Variants in CNTN5 observed in about 807,000 individuals in gnomAD.
CNTN5 encodes contactin 5, also known as contactin-5.
Under a neutral mutation model 129.1 loss-of-function variants are expected in CNTN5, and 77 were observed. That is an observed-to-expected ratio of 0.60 (90% CI 0.50 to 0.72). CNTN5 has a LOEUF of 0.72. CNTN5 is among the 30% of genes least tolerant of loss of function. The pLI is 0.00. For synonymous variants in CNTN5, 509 were observed against 465.6 expected (o/e 1.09, Z -1.20); for missense variants, 1,478 against 1,328.8 (o/e 1.11, Z -1.75).
chr11:99,826,091 C>G (rs1946947404), intron 4 of CNTN5, among the ~76,000 whole-genome samples: 1 of 151,874 alleles, frequency 6.6e-6, no homozygotes, highest in South Asian at 2.1e-4. Context: ...ATTTTAAAGT[C>G]CTGATAGATA....
intron 3 of CNTN5, among the ~76,000 whole-genome samples, chr11:99,780,156 A>T (rs902609781): frequency 6.6e-6 from 1 of 151,966 alleles, no homozygotes; most frequent in Non-Finnish European, 1.5e-5. Context: ...TGTTACTGTT[A>T]TCAAGTCCTC....
At chr11:99,925,137 C>T (rs956688782) in intron 7 of CNTN5, among the ~76,000 whole-genome samples, 2 of 152,146 alleles carry the variant, frequency 1.3e-5, no homozygotes, top group African/African-American at 2.4e-5. Flanking sequence ...ACTATCACTC[C>T]TCCAGTTATA....
At position 100,002,021 on chromosome 11, in the gene CNTN5, C is replaced by A. The variant is rs115207541; in HGVS notation, c.878-13C>A. On this transcript the variant is annotated splice_polypyrimidine_tract_variant and intron_variant, in intron 8 of 24. Transcript: ENST00000524871. ...ATTCATTTGATGCTTAAAGACTATT[C>A]TTTCTTTCTAAGGTGTGATGGGAGA... is the stretch of plus-strand genomic sequence containing the variant. 12 of 1,530,852 alleles carry A rather than the reference C, an allele frequency of 7.8e-6. No homozygotes were observed. In the Admixed American group the frequency reaches 1.8e-4, roughly 23 times the overall value. The allele number at this position is 1,530,852 out of a possible 1,614,324, so 94.8% of individuals were successfully genotyped here. A position where few individuals can be genotyped will look rare whatever the true frequency, so the allele number is the denominator to read the frequency against.
At chr11:100,234,361 A>G (rs1949556822) in intron 16 of CNTN5, among the ~76,000 whole-genome samples, 1 of 152,182 alleles carries the variant, frequency 6.6e-6, no homozygotes, top group Admixed American at 6.5e-5. Flanking sequence ...TTATTGCAGC[A>G]CTAGTCACAA....
intron 2 of CNTN5, among the ~76,000 whole-genome samples, chr11:99,421,155 C>T (rs1346091262): frequency 6.7e-6 from 1 of 149,472 alleles, no homozygotes; most frequent in African/African-American, 2.5e-5. Context: ...TTTTTTCCGC[C>T]TAATAAATAT....
intron 3 of CNTN5, among the ~76,000 whole-genome samples, chr11:99,799,375 A>C (rs932838764): frequency 4.0e-5 from 6 of 151,796 alleles, no homozygotes; most frequent in African/African-American, 1.5e-4. Context: ...GTATGGTGTT[A>C]GCTGTAGGTT....
chr11:99,278,249 C>A (rs1329394931), intron 1 of CNTN5, among the ~76,000 whole-genome samples: 2 of 151,502 alleles, frequency 1.3e-5, no homozygotes, highest in Admixed American at 6.6e-5. Flanking sequence ...TAACAGTGGG[C>A]TAGGCTTTCA....
Position 99,391,256 on chromosome 11 carries a change from C to A in CNTN5, c.-71+65772C>A, listed in dbSNP as rs116522510. Among the ~76,000 whole-genome samples the A allele has an allele frequency of 3.4e-3, 517 of 152,212 alleles. 3 individuals carry two copies. Among genetic ancestry groups the A allele is most frequent in the African/African-American group, 0.011 (475 of 41,554 alleles). ...CTTGAACTGTTAATCGTAAAAATAG[C>A]ATGACTATGTGAAAATACTAGATTG... is the stretch of plus-strand genomic sequence containing the variant. On this transcript the variant is annotated intron_variant, in intron 2 of 24. Coordinates refer to ENST00000524871, the MANE Select transcript of CNTN5 (RefSeq NM_014361.4).
At chr11:99,994,358 A>G (rs1417117957) in intron 8 of CNTN5, among the ~76,000 whole-genome samples, 1 of 152,214 alleles carries the variant, frequency 6.6e-6, no homozygotes, top group African/African-American at 2.4e-5. Context: ...AATACTAAAG[A>G]ATTAATATAA....
chr11:99,308,351 A>C (rs972469638), intron 1 of CNTN5, among the ~76,000 whole-genome samples: 5 of 152,200 alleles, frequency 3.3e-5, no homozygotes, highest in Non-Finnish European at 7.3e-5. Context: ...GGTATAGTAC[A>C]AGTGCCTTCA....
chr11:99,465,873 C>CT (rs1491145705), intron 2 of CNTN5, among the ~76,000 whole-genome samples: 2,854 of 80,336 alleles, frequency 0.036, 56 homozygotes, highest in South Asian at 0.1. Context: ...GTGCCACACA[C>CT]CTTTTTTTTT....
At position 99,138,742 on chromosome 11, in the gene CNTN5, T is replaced by C. The variant is rs973970819; in HGVS notation, c.-210+117472T>C. On this transcript the variant is annotated intron_variant, in intron 1 of 24. Transcript: ENST00000524871. ...CACAAATAACATGAGAAGTCAGTGC[T>C]AAGACATAAAAATAAAGCATCTATT... Among the ~76,000 whole-genome samples the C allele has an allele frequency of 3.9e-5, 6 of 152,280 alleles. No homozygotes were observed. In the East Asian group the frequency reaches 7.7e-4, roughly 20 times the overall value.
intron 2 of CNTN5, among the ~76,000 whole-genome samples, chr11:99,528,528 CTGCATA>C (rs753552744): frequency 2.4e-4 from 36 of 152,214 alleles, no homozygotes; most frequent in Admixed American, 4.6e-4. Context: ...TAAGTTACAA[CTGCATA>C]TGCAGTCACC....
intron 6 of CNTN5, among the ~76,000 whole-genome samples, chr11:99,900,289 A>G (rs1949320748): frequency 6.6e-6 from 1 of 151,010 alleles, no homozygotes; most frequent in Non-Finnish European, 1.5e-5. Flanking sequence ...TTTGAGATGC[A>G]CCACTAGGTT....
At chr11:100,048,700 T>A (rs981696378) in intron 9 of CNTN5, among the ~76,000 whole-genome samples, 1 of 151,916 alleles carries the variant, frequency 6.6e-6, no homozygotes, top group Non-Finnish European at 1.5e-5. Flanking sequence ...ATTATAGGTA[T>A]TGCTTTATGG....
At chr11:99,866,659 G>T (rs1458062602) in intron 6 of CNTN5, among the ~76,000 whole-genome samples, 1 of 152,158 alleles carries the variant, frequency 6.6e-6, no homozygotes, top group Admixed American at 6.5e-5. Flanking sequence ...GTGCTAAAAT[G>T]AGTCAAGTAA....
intron 9 of CNTN5, among the ~76,000 whole-genome samples, chr11:100,036,086 T>A (rs886797994): frequency 1.2e-4 from 19 of 152,270 alleles, no homozygotes; most frequent in Non-Finnish European, 2.8e-4. Flanking sequence ...TCTTCTAGGG[T>A]TTTTATGGTT....
At chr11:100,334,000 C>G (rs996131669) in intron 21 of CNTN5, among the ~76,000 whole-genome samples, 1 of 152,138 alleles carries the variant, frequency 6.6e-6, no homozygotes, top group African/African-American at 2.4e-5. Flanking sequence ...AACAGACAAC[C>G]CACAGAGTGG....
chr11:100,026,159 C>T lies in CNTN5; in HGVS notation c.980+24023C>T, dbSNP rs191104893. 1.6e-3 allele frequency among the ~76,000 whole-genome samples: 248 copies of T among 152,074 alleles called. 1 individual carries two copies. Among genetic ancestry groups the T allele is most frequent in the African/African-American group, 5.8e-3 (240 of 41,500 alleles). On this transcript the variant is annotated intron_variant, in intron 9 of 24. Transcript: ENST00000524871. The stretch of plus-strand genomic sequence containing the variant: ...TCATTGAGGACCATTTCCTTCATGC[C>T]GTTCTCATGATAGTGAGTAAGTTCT...
Sources: gnomAD v4.1 joint callset for allele counts (sites outside exome capture counted in the v4.1 genomes callset) on GRCh38, gnomAD v4.1.1 for gene constraint, MANE v1.5 for transcripts, NCBI Gene and HGNC (gene_info 2026-07-23, HGNC 2026-07-21) for gene names.